Variants in CACNB4 observed in about 807,000 individuals in gnomAD.
CACNB4 encodes calcium voltage-gated channel auxiliary subunit beta 4, also known as voltage-dependent L-type calcium channel subunit beta-4.
CACNB4 carries 32 observed loss-of-function variants against 71.2 expected under a neutral mutation model. That is an observed-to-expected ratio of 0.45 (90% CI 0.34 to 0.60). CACNB4 has a LOEUF of 0.60. Ranked by LOEUF, CACNB4 falls within the 20% of genes least tolerant of loss-of-function variation. The probability of loss-of-function intolerance (pLI) is 0.01; values close to 1 mark genes in which losing one functional copy is unlikely to be tolerated. For synonymous variants in CACNB4, 231 were observed against 236.9 expected, an observed-to-expected ratio of 0.97 and a Z score of 0.23; for missense variants, 464 against 647.9, an observed-to-expected ratio of 0.72 and a Z score of 3.08.
At chr2:152,046,868 G>T (rs765812005) in intron 2 of CACNB4, among the ~76,000 whole-genome samples, 2 of 152,094 alleles carry the variant, frequency 1.3e-5, no homozygotes, top group African/African-American at 2.4e-5. Context: ...CACCCAGTTA[G>T]GAAAAAGGGT....
At chr2:151,988,969 CTCTT>C (rs760895759) in intron 2 of CACNB4, among the ~76,000 whole-genome samples, 2 of 152,208 alleles carry the variant, frequency 1.3e-5, no homozygotes, top group Non-Finnish European at 2.9e-5. Context: ...TACCTCATCT[CTCTT>C]CTTTTACCAT....
At chr2:151,870,249 G>T (rs1254155142) in intron 8 of CACNB4, 5 of 702,834 alleles carry the variant, frequency 7.1e-6, no homozygotes, top group Non-Finnish European at 1.3e-5. Context: ...CCTTTTCTTT[G>T]CATTTAATGT....
chr2:152,033,828 C>T (rs1318188478), intron 2 of CACNB4, among the ~76,000 whole-genome samples: 1 of 152,206 alleles, frequency 6.6e-6, no homozygotes, highest in African/African-American at 2.4e-5. Context: ...GTGAGGACTT[C>T]TCTAATTCTC....
chr2:151,833,976 C>T lies in CACNB4; in HGVS notation c.*5143G>A, dbSNP rs534383380. The stretch of plus-strand genomic sequence containing the variant: ...AAGGCATATGAAAAATAGTATGCAA[C>T]GATATAGCGTTAATGATCCCGCCTC... On this transcript the variant is annotated 3_prime_UTR_variant, in exon 14 of 14. Coordinates refer to ENST00000539935, the MANE Select transcript of CACNB4 (RefSeq NM_000726.5). 8.6e-5 allele frequency: 13 copies of T among 151,986 alleles called. No homozygotes were observed. The highest frequency in any genetic ancestry group is 2.1e-4 in the South Asian group (1 of 4,818). The allele number at this position is 151,986 out of a possible 1,614,324, so 9.4% of individuals were successfully genotyped here. A position where few individuals can be genotyped will look rare whatever the true frequency, so the allele number is the denominator to read the frequency against.
At chr2:151,864,053 T>A (rs564744717) in intron 9 of CACNB4, among the ~76,000 whole-genome samples, 1 of 152,350 alleles carries the variant, frequency 6.6e-6, no homozygotes, top group African/African-American at 2.4e-5. Context: ...ATCTAGCTTA[T>A]ATACTTTTTT....
At position 152,003,724 on chromosome 2, in the gene CACNB4, T is replaced by C. The variant is rs1020170314; in HGVS notation, c.147+94606A>G. ...ATGTAATTCATCATTGTATTGACTA[T>C]ATTTAGATATACAGAATTCTTGAAA... is the stretch of plus-strand genomic sequence containing the variant. On this transcript the variant is annotated intron_variant, in intron 2 of 13. Coordinates refer to ENST00000539935, the MANE Select transcript of CACNB4 (RefSeq NM_000726.5). Among the ~76,000 whole-genome samples the C allele has an allele frequency of 1.3e-5, 2 of 152,128 alleles. 1 individual carries two copies. Among genetic ancestry groups the C allele is most frequent in the African/African-American group, 4.8e-5 (2 of 41,412 alleles).
chr2:151,869,261 T>A, intron 8 of CACNB4, 26 bp from the exon 9 acceptor site: 1 of 1,422,958 alleles, frequency 7.0e-7, no homozygotes, highest in African/African-American at 1.4e-5. Context: ...AAAAAAAGAA[T>A]GAGGCAAACA....
At chr2:151,870,637 G>A (rs773801878) in intron 7 of CACNB4, 26 bp from the exon 8 acceptor site, 38 of 1,586,266 alleles carry the variant, frequency 2.4e-5, no homozygotes, top group Middle Eastern at 3.3e-4. Context: ...CGACACGCGT[G>A]ACAAGGTGAG....
intron 2 of CACNB4, among the ~76,000 whole-genome samples, chr2:151,901,471 C>G (rs915987159): frequency 8.6e-5 from 13 of 152,000 alleles, no homozygotes; most frequent in African/African-American, 3.1e-4. Flanking sequence ...CATTAGTAAC[C>G]TTAATATTTT....
chr2:151,889,092 T>C (rs932684965), intron 2 of CACNB4, among the ~76,000 whole-genome samples: 1 of 152,244 alleles, frequency 6.6e-6, no homozygotes, highest in Non-Finnish European at 1.5e-5. Flanking sequence ...TATTGGGCTG[T>C]GCGGTAGTAG....
chr2:151,933,033 T>G (rs953424925), intron 2 of CACNB4, among the ~76,000 whole-genome samples: 21 of 151,698 alleles, frequency 1.4e-4, no homozygotes, highest in African/African-American at 5.1e-4. Context: ...ACACCTTGAT[T>G]TTGGACTTGT....
chr2:151,885,634 A>G (rs1053248681), intron 2 of CACNB4, among the ~76,000 whole-genome samples: 21 of 152,214 alleles, frequency 1.4e-4, no homozygotes, highest in African/African-American at 4.6e-4. Flanking sequence ...TTCTTACTGT[A>G]TTTACTGCAT....
At chr2:151,983,122 G>A (rs928150473) in intron 2 of CACNB4, among the ~76,000 whole-genome samples, 1 of 152,144 alleles carries the variant, frequency 6.6e-6, no homozygotes, top group African/African-American at 2.4e-5. Context: ...AAGACTATGG[G>A]CCAAAACAAA....
At chr2:151,907,101 T>C (rs1265397110) in intron 2 of CACNB4, among the ~76,000 whole-genome samples, 1 of 152,144 alleles carries the variant, frequency 6.6e-6, no homozygotes, top group Non-Finnish European at 1.5e-5. Flanking sequence ...CCTAGTTTTA[T>C]AAATGTTTAC....
chr2:152,017,440 G>A (rs888896787), intron 2 of CACNB4, among the ~76,000 whole-genome samples: 1 of 151,282 alleles, frequency 6.6e-6, no homozygotes, highest in Non-Finnish European at 1.5e-5. Context: ...GGGCGCGGTG[G>A]CTCACGCCTG....
intron 2 of CACNB4, among the ~76,000 whole-genome samples, chr2:151,958,321 T>A (rs952926603): frequency 5.3e-5 from 8 of 152,182 alleles, no homozygotes; most frequent in African/African-American, 1.9e-4. Flanking sequence ...GATAGAGCCA[T>A]AACCGATTAT....
intron 2 of CACNB4, among the ~76,000 whole-genome samples, chr2:151,953,886 G>A (rs1044835414): frequency 4.6e-5 from 7 of 152,194 alleles, no homozygotes; most frequent in Middle Eastern, 3.2e-3. Context: ...TCTGACAAAC[G>A]TGTTCACCCC....
rs2099834676 is a variant in CACNB4, at chr2:151,835,368, A to G, written c.*3751T>C. The G allele has an allele frequency of 6.6e-6, 1 of 151,954 alleles. No individual in the cohort carries two copies. Among genetic ancestry groups the G allele is most frequent in the African/African-American group, 2.4e-5 (1 of 41,458 alleles). 9.4% of individuals were successfully genotyped at this position (151,954 alleles called of 1,614,324 possible). A position where few individuals can be genotyped will look rare whatever the true frequency, so the allele number is the denominator to read the frequency against. On this transcript the variant is annotated 3_prime_UTR_variant, in exon 14 of 14. Coordinates refer to ENST00000539935, the MANE Select transcript of CACNB4 (RefSeq NM_000726.5). ...AAGGGAAGGCATATTTTAATAATCT[A>G]TGTATTTAGCTTTGCAGCAAGGTTA...
chr2:151,962,317 T>C (rs1456989899), intron 2 of CACNB4, among the ~76,000 whole-genome samples: 1 of 152,204 alleles, frequency 6.6e-6, no homozygotes, highest in Non-Finnish European at 1.5e-5. Flanking sequence ...CCCTTGTGGT[T>C]TCCTTGCACC....
Sources: allele counts gnomAD v4.1 joint callset (sites outside exome capture counted in the v4.1 genomes callset), GRCh38; gene constraint gnomAD v4.1.1; transcripts MANE v1.5; gene names NCBI Gene and HGNC (gene_info 2026-07-23, HGNC 2026-07-21).